SPDYE3: variants seen among roughly 807,000 people sequenced by gnomAD.
SPDYE3 encodes speedy protein E3.
In SPDYE3, 15 loss-of-function variants were observed where a neutral mutation model predicts 55.0. The ratio of observed to expected loss-of-function variants is 0.27; its 90% CI spans 0.18 to 0.42. SPDYE3 has a LOEUF of 0.42. Ranked by LOEUF, SPDYE3 falls within the 10% of genes least tolerant of loss-of-function variation. The pLI is 1.00. For missense variants in SPDYE3, 236 were observed against 576.7 expected, an observed-to-expected ratio of 0.41 and a Z score of 6.05; for synonymous variants, 89 against 229.9, an observed-to-expected ratio of 0.39 and a Z score of 5.55.
chr7:100,308,037 C>T (rs776039689), intron 1 of SPDYE3, 46 bp downstream of exon 1: 43 of 1,514,846 alleles, frequency 2.8e-5, no homozygotes, highest in Middle Eastern at 2.4e-4. Context: ...TTGACTAAGA[C>T]GAAGGAAGGG....
chr7:100,317,036 C>T lies in SPDYE3; in HGVS notation c.1261-34C>T, dbSNP rs754402256. 3.1e-5 allele frequency: 49 copies of T among 1,556,296 alleles called. 1 individual carries two copies. The South Asian group carries it at 5.2e-4, about 17-fold the overall frequency. ...ACAATCTTCCTCTCCCAAGATGTGA[C>T]CTCTCCCTCTCTGTGTTCCTTTCTC... On this transcript the variant is annotated intron_variant, in intron 7 of 10. Coordinates refer to ENST00000332397, the MANE Select transcript of SPDYE3 (RefSeq NM_001004351.5).
intron 7 of SPDYE3, 50 bp downstream of exon 7, chr7:100,315,893 G>A (rs756320120): frequency 6.3e-7 from 1 of 1,597,576 alleles, no homozygotes; most frequent in African/African-American, 1.3e-5. Context: ...GCACGGCCAG[G>A]GGGAGGGCGC....
chr7:100,320,379 G>A (rs1260634987), intron 10 of SPDYE3: 6 of 1,075,960 alleles, frequency 5.6e-6, no homozygotes, highest in African/African-American at 5.0e-5. Flanking sequence ...TTGAGTTACC[G>A]ATTTGGGTCG....
chr7:100,312,371 C>T lies in SPDYE3; in HGVS notation c.763+403C>T, dbSNP rs992772849. 7.1e-4 allele frequency among the ~76,000 whole-genome samples: 105 copies of T among 148,934 alleles called. 4 individuals are homozygous for T. The highest frequency in any genetic ancestry group is 1.2e-3 in the Non-Finnish European group (80 of 67,304). On this transcript the variant is annotated intron_variant, in intron 4 of 10. Transcript: ENST00000332397. ...CCAAGGCTGGGCACAGTAGCTCATGCCTGTAGTTCCAGCTACTCGGGAGGC... is the reference window on the plus strand; with the variant it reads ...CCAAGGCTGGGCACAGTAGCTCATGTCTGTAGTTCCAGCTACTCGGGAGGC...
Position 100,307,780 on chromosome 7 carries a change from C to A in SPDYE3, c.-106C>A. ...CTCCACTCCTGACTTCTCCCAGCCT[C>A]GAGAATTGATAACACACTCTTCTGG... On this transcript the variant is annotated 5_prime_UTR_variant, in exon 1 of 11. Coordinates refer to ENST00000332397, the MANE Select transcript of SPDYE3 (RefSeq NM_001004351.5). The A allele has an allele frequency of 7.0e-7, 1 of 1,431,816 alleles. No individual in the cohort carries two copies. The highest frequency in any genetic ancestry group is 1.4e-5 in the South Asian group (1 of 70,478). The allele number at this position is 1,431,816 out of a possible 1,614,324, so 88.7% of individuals were successfully genotyped here.
At position 100,309,053 on chromosome 7, in the gene SPDYE3, T is replaced by A. The variant is rs1805899793; in HGVS notation, c.186T>A (p.Asp62Glu). 1 of 559,158 alleles carries A rather than the reference T, an allele frequency of 1.8e-6. No individual in the cohort carries two copies. Among genetic ancestry groups the A allele is most frequent in the Non-Finnish European group, 3.0e-6 (1 of 334,092 alleles). The allele number at this position is 559,158 out of a possible 1,614,324, so 34.6% of individuals were successfully genotyped here. ...GGGAGTGTTTGGATGAATCTGATGATGAGCCAGAGAAGGAGCTCGCCCCTG... is the reference window on the plus strand; with the variant it reads ...GGGAGTGTTTGGATGAATCTGATGAAGAGCCAGAGAAGGAGCTCGCCCCTG... ...RKRECLDESD[D>E]EPEKELAPEP... The change falls in exon 2 of 11, where the codon GAT becomes GAA. Residue 62 changes from aspartate (D) to glutamate (E), a missense_variant. Coordinates refer to ENST00000332397, the MANE Select transcript of SPDYE3 (RefSeq NM_001004351.5).
At chr7:100,316,512 T>C (rs1190322559) in intron 7 of SPDYE3, among the ~76,000 whole-genome samples, 2 of 152,236 alleles carry the variant, frequency 1.3e-5, no homozygotes, top group African/African-American at 2.4e-5. Flanking sequence ...GTTCTCCAAC[T>C]GTTGGGCTCA....
intron 1 of SPDYE3, among the ~76,000 whole-genome samples, chr7:100,308,515 C>T (rs1209944762): frequency 2.6e-5 from 4 of 151,728 alleles, no homozygotes; most frequent in African/African-American, 9.7e-5. Flanking sequence ...TTGAGACCAG[C>T]CTGGCCAACA....
At chr7:100,315,708 A>G in intron 6 of SPDYE3, 77 bp from the exon 7 acceptor site, 4 of 1,594,540 alleles carry the variant, frequency 2.5e-6, no homozygotes, top group Non-Finnish European at 2.5e-6. Context: ...CGGGAGGCAC[A>G]CTTCTCCTCA....
rs1048939808 is a variant in SPDYE3 at position 100,311,673 on chromosome 7, TG to T, written c.545-75del. 38 of 811,280 alleles carry T rather than the reference TG, an allele frequency of 4.7e-5. 3 individuals carry two copies. In the African/African-American group the frequency reaches 7.8e-4, roughly 17 times the overall value. 50.3% of individuals were successfully genotyped at this position (811,280 alleles called of 1,614,324 possible). ...CTGAGAGGCTGGGGAGGATGGAGAA[TG>T]GTTTGGGGTTTGGGGTCGGGGTCTA... is the stretch of plus-strand genomic sequence containing the variant. On this transcript the variant is annotated intron_variant, in intron 3 of 10. Coordinates refer to ENST00000332397, the MANE Select transcript of SPDYE3 (RefSeq NM_001004351.5).
chr7:100,315,057 G>A (rs1336691935), intron 6 of SPDYE3, among the ~76,000 whole-genome samples: 1 of 150,170 alleles, frequency 6.7e-6, no homozygotes. Flanking sequence ...CTTTGAGGCT[G>A]CAGTGAGCTA....
chr7:100,307,708 C>G lies in SPDYE3; in HGVS notation c.-178C>G. ...CCTGATTGGAAGGACCGGACTCTGT[C>G]GGCGCCTGGCAGTTCAGGTGAACAA... On this transcript the variant is annotated 5_prime_UTR_variant, in exon 1 of 11. Transcript: ENST00000332397. 1.4e-6 allele frequency: 2 copies of G among 1,384,162 alleles called. No homozygotes were observed. The allele number at this position is 1,384,162 out of a possible 1,614,324, so 85.7% of individuals were successfully genotyped here. A position where few individuals can be genotyped will look rare whatever the true frequency, so the allele number is the denominator to read the frequency against.
intron 7 of SPDYE3, 75 bp from the exon 8 acceptor site, chr7:100,316,995 C>T: frequency 2.5e-6 from 4 of 1,596,574 alleles, no homozygotes; most frequent in South Asian, 2.2e-5. Flanking sequence ...CCCCAGACCC[C>T]CATTCCACTA....
Position 100,308,127 on chromosome 7 carries a change from CA to C in SPDYE3, c.106+138del, listed in dbSNP as rs1303192858. 21 of 1,180,300 alleles carry C rather than the reference CA, an allele frequency of 1.8e-5. No homozygotes were observed. In the Admixed American group the frequency reaches 5.4e-4, roughly 31 times the overall value. 73.1% of individuals were successfully genotyped at this position (1,180,300 alleles called of 1,614,324 possible). A position where few individuals can be genotyped will look rare whatever the true frequency, so the allele number is the denominator to read the frequency against. Reference sequence around the variant, plus strand: ...GGCAGATCACCTGAGGTCAGCAGTTCAAGACCAGCCTGGCCAACATGGTGAA... The same window carrying C: ...GGCAGATCACCTGAGGTCAGCAGTTCAGACCAGCCTGGCCAACATGGTGAA... On this transcript the variant is annotated intron_variant, in intron 1 of 10. Transcript: ENST00000332397.
chr7:100,315,928 T>A (rs1806096193), intron 7 of SPDYE3, 85 bp downstream of exon 7: 9 of 1,577,624 alleles, frequency 5.7e-6, no homozygotes, highest in Middle Eastern at 2.3e-4. Context: ...CAGTTCTCCC[T>A]CCACCACCTC....
In SPDYE3 at chr7:100,307,837, C is replaced by G. The variant is rs745782180; in HGVS notation, c.-49C>G. The G allele has an allele frequency of 5.2e-6, 8 of 1,537,104 alleles. No individual in the cohort carries two copies. Among genetic ancestry groups the G allele is most frequent in the Non-Finnish European group, 7.0e-6 (8 of 1,147,470 alleles). ...GCAGTGTCCAGAAGAAGACCAAGGA[C>G]AGAACAGAGACTAGCTTCGGTGAGA... On this transcript the variant is annotated 5_prime_UTR_variant, in exon 1 of 11. Coordinates refer to ENST00000332397, the MANE Select transcript of SPDYE3 (RefSeq NM_001004351.5).
rs1585002482 is a variant in SPDYE3, at chr7:100,321,042, G to C, written c.*197G>C. On this transcript the variant is annotated 3_prime_UTR_variant, in exon 11 of 11. Transcript: ENST00000332397. The stretch of plus-strand genomic sequence containing the variant: ...CAGAGCTGAATACAGTGATCACGTT[G>C]TCCTCCAAGGAGCAGGGGTGGGGTG... The C allele has an allele frequency of 9.0e-7, 1 of 1,112,102 alleles. No individual in the cohort carries two copies. The highest frequency in any genetic ancestry group is 1.2e-5 in the South Asian group (1 of 82,962). The allele number at this position is 1,112,102 out of a possible 1,614,324, so 68.9% of individuals were successfully genotyped here.
At chr7:100,315,286 A>G (rs1295350514) in intron 6 of SPDYE3, among the ~76,000 whole-genome samples, 1 of 152,134 alleles carries the variant, frequency 6.6e-6, no homozygotes, top group Non-Finnish European at 1.5e-5. Context: ...CTCAAAATAA[A>G]TTAATAAATA....
intron 7 of SPDYE3, among the ~76,000 whole-genome samples, chr7:100,316,658 A>G (rs906115850): frequency 6.6e-5 from 10 of 152,094 alleles, no homozygotes; most frequent in Non-Finnish European, 1.5e-4. Context: ...AGAGTGAATG[A>G]GTGGCCCCTG....
Sources: gnomAD v4.1 joint callset for allele counts (sites outside exome capture counted in the v4.1 genomes callset) on GRCh38, gnomAD v4.1.1 for gene constraint, MANE v1.5 for transcripts, NCBI Gene and HGNC (gene_info 2026-07-23, HGNC 2026-07-21) for gene names.